The following DPP4 variants were observed in gnomAD, a reference collection of about 807,000 sequenced individuals.
DPP4 encodes the protein dipeptidyl peptidase 4.
DPP4 carries 93 observed loss-of-function variants against 122.4 expected under a neutral mutation model. That is an observed-to-expected ratio of 0.76 (90% confidence interval 0.64 to 0.90). The LOEUF is 0.90. Among genes scored for constraint, DPP4 ranks in the 40% least tolerant of loss-of-function variants. The probability of loss-of-function intolerance (pLI) is 0.00; values close to 1 mark genes in which losing one functional copy is unlikely to be tolerated. For synonymous variants in DPP4, 321 were observed against 302.9 expected (o/e 1.06, Z -0.62); for missense variants, 914 against 907.3 (o/e 1.01, Z -0.09).
In DPP4 at chr2:162,020,291, G is replaced by T. The variant is rs1026153716; in HGVS notation, c.1182C>A (p.Cys394Ter). ...ICYFQIDKKD[C>*]TFITKGTWEV... ...CCCAGGTGCCTTTTGTAATAAATGT[G>T]CAGTCCTGATGGTTTTTTTTTTTTT... Residue 394 changes from cysteine (C) to a stop codon, truncating the protein, a stop_gained, in exon 14 of 26, where the codon TGC becomes TGA. Coordinates refer to ENST00000360534, the MANE Select transcript of DPP4 (RefSeq NM_001935.4). LOFTEE classifies it high-confidence loss of function. The T allele has an allele frequency of 1.0e-5, 16 of 1,579,532 alleles. No homozygotes were observed. The highest frequency in any genetic ancestry group is 1.4e-5 in the Non-Finnish European group (16 of 1,162,246).
chr2:162,017,511 C>G (rs1387651720), intron 16 of DPP4: 1 of 194,808 alleles, frequency 5.1e-6, no homozygotes, highest in African/African-American at 2.3e-5. Flanking sequence ...ATCCGTGATC[C>G]CACAGGGTTT....
chr2:162,022,982 T>A (rs1683189732), intron 11 of DPP4, among the ~76,000 whole-genome samples, 183 bp from the exon 12 acceptor site: 1 of 152,230 alleles, frequency 6.6e-6, no homozygotes, highest in African/African-American at 2.4e-5. Context: ...CTCTCTTGCC[T>A]AAAGTTATAT....
chr2:162,006,860 G>T (rs1701295397), intron 22 of DPP4, among the ~76,000 whole-genome samples: 1 of 152,022 alleles, frequency 6.6e-6, no homozygotes, highest in African/African-American at 2.4e-5. Context: ...ATCTAGGTTG[G>T]TGGCTTGAAT....
At chr2:162,020,367 G>T in intron 13 of DPP4, 71 bp from the exon 14 acceptor site, 1 of 1,280,922 alleles carries the variant, frequency 7.8e-7, no homozygotes, top group Non-Finnish European at 1.1e-6. Context: ...CAAAGTGGAG[G>T]ATTAAATCAT....
intron 2 of DPP4, among the ~76,000 whole-genome samples, chr2:162,064,620 G>A (rs565912411): frequency 6.6e-6 from 1 of 152,316 alleles, no homozygotes; most frequent in African/African-American, 2.4e-5. Flanking sequence ...TGAACTGGAT[G>A]AAATGTGACA....
intron 20 of DPP4, 48 bp downstream of exon 20, chr2:162,011,744 AG>A (rs747091287): frequency 6.3e-7 from 1 of 1,575,970 alleles, no homozygotes; most frequent in African/African-American, 1.4e-5. Context: ...TAAATTTTAA[AG>A]GGGAAAAAAA....
At chr2:162,071,458 A>G (rs1408377240) in intron 2 of DPP4, among the ~76,000 whole-genome samples, 5 of 152,154 alleles carry the variant, frequency 3.3e-5, no homozygotes, top group Admixed American at 2.6e-4. Context: ...CCTGGCCAAC[A>G]TGGTAAAACC....
intron 23 of DPP4, among the ~76,000 whole-genome samples, chr2:162,005,181 C>T (rs1701252498): frequency 6.6e-6 from 1 of 152,188 alleles, no homozygotes; most frequent in Admixed American, 6.5e-5. Context: ...ATCTGCAGAG[C>T]AACCTGCCCA....
At chr2:161,994,906 A>C in intron 25 of DPP4, 55 bp downstream of exon 25, 1 of 1,522,480 alleles carries the variant, frequency 6.6e-7, no homozygotes, top group Non-Finnish European at 9.1e-7. Context: ...GCCCAGAAAG[A>C]GGAAACTAGA....
intron 2 of DPP4, among the ~76,000 whole-genome samples, chr2:162,066,753 C>T (rs1684959243): frequency 6.6e-6 from 1 of 152,188 alleles, no homozygotes; most frequent in African/African-American, 2.4e-5. Context: ...TCTCAGGCTG[C>T]TTCTACTTAT....
At position 162,017,034 on chromosome 2, in the gene DPP4, A is replaced by G. The variant is rs549823144; in HGVS notation, c.1468+74T>C. The G allele has an allele frequency of 9.9e-6, 15 of 1,508,594 alleles. No individual in the cohort carries two copies. The South Asian group carries it at 1.7e-4, about 17-fold the overall frequency. 93.5% of individuals were successfully genotyped at this position (1,508,594 alleles called of 1,614,324 possible). On this transcript the variant is annotated intron_variant, in intron 17 of 25. Transcript: ENST00000360534. ...GACACAAAGCCAAAGAAAATCACAC[A>G]ATGCTAAGTACATGTTAGACTTATG...
At chr2:162,073,376 T>C (rs1359539009) in intron 2 of DPP4, 23 bp downstream of exon 2, 2 of 1,613,028 alleles carry the variant, frequency 1.2e-6, no homozygotes, top group African/African-American at 2.7e-5. Context: ...CTGTCCTATC[T>C]TTTTCAAATG....
intron 23 of DPP4, among the ~76,000 whole-genome samples, chr2:162,000,639 C>T (rs1701123666): frequency 6.6e-6 from 1 of 152,194 alleles, no homozygotes; most frequent in African/African-American, 2.4e-5. Context: ...AAGGATTGAA[C>T]ATTTCAAATC....
At chr2:162,015,548 C>G (rs962686001) in intron 18 of DPP4, among the ~76,000 whole-genome samples, 1 of 151,990 alleles carries the variant, frequency 6.6e-6, no homozygotes, top group African/African-American at 2.4e-5. Flanking sequence ...TGTTTTAGTC[C>G]CACTTTTTTG....
intron 19 of DPP4, 30 bp from the exon 20 acceptor site, chr2:162,012,017 A>G (rs757483871): frequency 3.1e-6 from 5 of 1,600,044 alleles, no homozygotes; most frequent in Non-Finnish European, 4.3e-6. Context: ...GTTAGCTTTC[A>G]TGGTTTTCTG....
intron 19 of DPP4, 91 bp downstream of exon 19, chr2:162,014,305 A>G: frequency 1.0e-6 from 1 of 995,932 alleles, no homozygotes; most frequent in Non-Finnish European, 1.5e-6. Context: ...GAGGGAAAGG[A>G]CGCATTTGGC....
rs115900279 is a variant in DPP4 at position 162,039,888 on chromosome 2, C to T, written c.367-704G>A. On this transcript the variant is annotated intron_variant, in intron 5 of 25. Coordinates refer to ENST00000360534, the MANE Select transcript of DPP4 (RefSeq NM_001935.4). ...TCAACAAAGCCAAAACTCAAGTCAT[C>T]GAAAAGACTAGTAAAATTGCAAACA... Among the ~76,000 whole-genome samples, 307 of 151,760 alleles carry T rather than the reference C, an allele frequency of 2.0e-3. 1 individual carries two copies. Among genetic ancestry groups the T allele is most frequent in the African/African-American group, 7.2e-3 (297 of 41,414 alleles).
intron 23 of DPP4, among the ~76,000 whole-genome samples, chr2:162,001,130 CTCAATA>C (rs1701136593): frequency 6.6e-6 from 1 of 152,182 alleles, no homozygotes; most frequent in Non-Finnish European, 1.5e-5. Flanking sequence ...TTTTCTAACC[CTCAATA>C]TCAATATGTT....
intron 24 of DPP4, 27 bp downstream of exon 24, chr2:161,995,273 T>C (rs1220754138): frequency 1.9e-6 from 3 of 1,603,448 alleles, no homozygotes; most frequent in Non-Finnish European, 2.6e-6. Flanking sequence ...TCTGTGATAC[T>C]AAAAAGTCTA....
Sources: allele counts gnomAD v4.1 joint callset (sites outside exome capture counted in the v4.1 genomes callset), GRCh38; gene constraint gnomAD v4.1.1; transcripts MANE v1.5; gene names NCBI Gene and HGNC (gene_info 2026-07-23, HGNC 2026-07-21).